SOX6: variants seen among roughly 807,000 people sequenced by gnomAD.
SOX6 encodes the protein SRY-box transcription factor 6, also known as transcription factor SOX-6.
In SOX6, 11 loss-of-function variants were observed where a neutral mutation model predicts 97.8. The observed-to-expected ratio is 0.11, with a 90% confidence interval of 0.07 to 0.19. The LOEUF (loss-of-function observed/expected upper bound fraction) is 0.19, where lower values mean the gene tolerates loss of function less well. SOX6 is among the 10% of genes least tolerant of loss of function. SOX6 has a pLI of 1.00. For missense variants in SOX6, 810 were observed against 1,039.5 expected (o/e 0.78, Z 3.04); for synonymous variants, 360 against 371.4 (o/e 0.97, Z 0.35).
At chr11:16,436,705 G>C (rs1213777853) in intron 1 of SOX6, among the ~76,000 whole-genome samples, 2 of 152,118 alleles carry the variant, frequency 1.3e-5, no homozygotes, top group Admixed American at 1.3e-4. Context: ...TGGGTTGTTG[G>C]AAGGATTAAA....
Position 16,676,549 on chromosome 11 carries a change from G to T in SOX6, n.429+38281C>A, listed in dbSNP as rs1159938275. ...ATCAGAATCTTCAACCTTCTCTGGG[G>T]TTTTTTGTTGCTTCTTGTTGTAGTT... On this transcript the variant is annotated intron_variant and non_coding_transcript_variant, in intron 3 of 5. Coordinates refer to the SOX6 transcript ENST00000524520. Among the ~76,000 whole-genome samples the T allele has an allele frequency of 5.9e-5, 9 of 152,166 alleles. No homozygotes were observed. In the East Asian group the frequency reaches 1.7e-3, roughly 29 times the overall value.
intron 4 of SOX6, among the ~76,000 whole-genome samples, chr11:16,514,596 G>A (rs1320127685): frequency 1.3e-5 from 2 of 151,138 alleles, no homozygotes; most frequent in East Asian, 1.9e-4. Context: ...TGCACATTGT[G>A]CAGGTTAGTT....
chr11:16,208,692 G>T (rs1852137767), intron 4 of SOX6, among the ~76,000 whole-genome samples: 1 of 152,124 alleles, frequency 6.6e-6, no homozygotes, highest in African/African-American at 2.4e-5. Context: ...AGCAAATATG[G>T]TATTAATGGA....
chr11:16,652,227 C>G (rs12417130), intron 3 of SOX6, among the ~76,000 whole-genome samples: 1 of 152,028 alleles, frequency 6.6e-6, no homozygotes, highest in Non-Finnish European at 1.5e-5. Context: ...CATCAAAGTA[C>G]CATCATTATT....
intron 3 of SOX6, chr11:16,283,652 A>T (rs1465389336): frequency 5.7e-6 from 1 of 176,068 alleles, no homozygotes; most frequent in East Asian, 1.7e-4. Context: ...CCTTATTAAG[A>T]ACATTTTTAT....
intron 2 of SOX6, among the ~76,000 whole-genome samples, chr11:16,324,620 A>G (rs1342653519): frequency 6.6e-6 from 1 of 152,164 alleles, no homozygotes; most frequent in Non-Finnish European, 1.5e-5. Flanking sequence ...TGTATGGGGT[A>G]CATGTGATGT....
At chr11:16,499,047 C>A (rs950782309) in intron 4 of SOX6, among the ~76,000 whole-genome samples, 3 of 152,172 alleles carry the variant, frequency 2.0e-5, no homozygotes, top group Non-Finnish European at 4.4e-5. Context: ...AAATTGACCA[C>A]ATAGTTGGAA....
intron 3 of SOX6, among the ~76,000 whole-genome samples, chr11:16,299,797 G>A (rs1855201521): frequency 6.6e-6 from 1 of 151,930 alleles, no homozygotes; most frequent in Non-Finnish European, 1.5e-5. Context: ...ACCAGGAAAG[G>A]CCAAAGAAAG....
At chr11:16,086,787 A>G (rs1273942806) in intron 9 of SOX6, among the ~76,000 whole-genome samples, 1 of 152,250 alleles carries the variant, frequency 6.6e-6, no homozygotes, top group African/African-American at 2.4e-5. Context: ...TCTACTGCTC[A>G]TTAAATTCTC....
chr11:16,287,257 G>C (rs868285129), intron 3 of SOX6, among the ~76,000 whole-genome samples: 9 of 120,524 alleles, frequency 7.5e-5, no homozygotes, highest in African/African-American at 2.6e-4. Context: ...TCTTCTCTCT[G>C]TCTCTCTCTC....
chr11:16,412,949 C>A (rs927564239), intron 1 of SOX6, among the ~76,000 whole-genome samples: 2 of 152,022 alleles, frequency 1.3e-5, no homozygotes, highest in Non-Finnish European at 2.9e-5. Flanking sequence ...CTCCCTATGA[C>A]GTGGGAGGAA....
intron 4 of SOX6, among the ~76,000 whole-genome samples, chr11:16,219,866 T>G (rs930410227): frequency 6.6e-6 from 1 of 151,958 alleles, no homozygotes; most frequent in Non-Finnish European, 1.5e-5. Context: ...GTACCTAGGG[T>G]GCTAGGCACA....
At chr11:16,488,956 G>A (rs1860474075) in intron 4 of SOX6, among the ~76,000 whole-genome samples, 1 of 152,108 alleles carries the variant, frequency 6.6e-6, no homozygotes, top group South Asian at 2.1e-4. Context: ...CACATGACAA[G>A]TTGCTGACAG....
At chr11:16,695,817 G>A (rs192720859) in intron 3 of SOX6, among the ~76,000 whole-genome samples, 2 of 151,204 alleles carry the variant, frequency 1.3e-5, no homozygotes, top group African/African-American at 4.9e-5. Context: ...GTGAGACCCC[G>A]TCTCTACCAA....
intron 3 of SOX6, among the ~76,000 whole-genome samples, chr11:16,710,313 T>C (rs1470766565): frequency 1.3e-5 from 2 of 152,184 alleles, no homozygotes; most frequent in African/African-American, 4.8e-5. Flanking sequence ...GTTAGTTCAT[T>C]AATCCTTAGA....
At chr11:16,034,433 T>C (rs766042972) in intron 12 of SOX6, among the ~76,000 whole-genome samples, 8 of 152,188 alleles carry the variant, frequency 5.3e-5, no homozygotes, top group Non-Finnish European at 1.0e-4. Flanking sequence ...CTAATCTTAG[T>C]TGCAAATGTC....
At chr11:16,137,498 T>C (rs879645633) in intron 6 of SOX6, among the ~76,000 whole-genome samples, 8 of 152,228 alleles carry the variant, frequency 5.3e-5, no homozygotes, top group Admixed American at 5.2e-4. Flanking sequence ...CACTGTATAA[T>C]AAAAAGTCCA....
intron 4 of SOX6, among the ~76,000 whole-genome samples, chr11:16,190,677 C>T (rs1851605468): frequency 6.6e-6 from 1 of 151,974 alleles, no homozygotes; most frequent in South Asian, 2.1e-4. Flanking sequence ...TCTGAAATTC[C>T]CCCTGTATTG....
rs141776060 is a variant in SOX6, at chr11:16,052,679, G to T, written c.1252-2741C>A. 8.4e-3 allele frequency among the ~76,000 whole-genome samples: 1,272 copies of T among 152,144 alleles called. 20 individuals carry two copies. The highest frequency in any genetic ancestry group is 0.029 in the African/African-American group (1,187 of 41,508). ...TACACATTGTAAATTTTACCTTCTG[G>T]AGTGACGAAGTTTCTGTATTTCTTT... On this transcript the variant is annotated intron_variant, in intron 10 of 15. Transcript: ENST00000683767.
Sources: allele counts gnomAD v4.1 joint callset (sites outside exome capture counted in the v4.1 genomes callset), GRCh38; gene constraint gnomAD v4.1.1; transcripts MANE v1.5; gene names NCBI Gene and HGNC (gene_info 2026-07-23, HGNC 2026-07-21).